PSMC2: variants seen among roughly 807,000 people sequenced by gnomAD.
PSMC2 encodes the protein 26S proteasome regulatory subunit 7.
Under a neutral mutation model 53.3 loss-of-function variants are expected in PSMC2, and 7 were observed. That is an observed-to-expected ratio of 0.13 (90% CI 0.07 to 0.25). The LOEUF (loss-of-function observed/expected upper bound fraction) is 0.25, where lower values mean the gene tolerates loss of function less well. PSMC2 is among the 10% of genes least tolerant of loss of function. The pLI is 1.00. For synonymous variants in PSMC2, 169 were observed against 183.9 expected (o/e 0.92, Z 0.66); for missense variants, 241 against 544.0 (o/e 0.44, Z 5.54).
intron 1 of PSMC2, among the ~76,000 whole-genome samples, chr7:103,350,091 A>G (rs1257075502): frequency 6.6e-6 from 1 of 152,172 alleles, no homozygotes; most frequent in Non-Finnish European, 1.5e-5. Flanking sequence ...TTGTTTCTTC[A>G]GTCACTACCT....
At position 103,352,262 on chromosome 7, in the gene PSMC2, T is replaced by C. The variant is rs549484699; in HGVS notation, c.71-1659T>C. Among the ~76,000 whole-genome samples, 10 of 146,424 alleles carry C rather than the reference T, an allele frequency of 6.8e-5. No individual in the cohort carries two copies. In the East Asian group the frequency reaches 1.2e-3, roughly 18 times the overall value. ...AAAAAAAAAAGACCTGCCGTTTTTTTCCTTAAAATATGTACGATTGTATGA... is the reference window on the plus strand; with the variant it reads ...AAAAAAAAAAGACCTGCCGTTTTTTCCCTTAAAATATGTACGATTGTATGA... On this transcript the variant is annotated intron_variant, in intron 1 of 11. Transcript: ENST00000292644.
At chr7:103,366,272 T>C (rs1820714263) in intron 9 of PSMC2, 109 bp downstream of exon 9, 1 of 948,034 alleles carries the variant, frequency 1.1e-6, no homozygotes, top group Non-Finnish European at 1.6e-6. Context: ...CCAACTCTTC[T>C]ATGAGCTCTG....
chr7:103,355,665 A>C (rs1819991579), intron 3 of PSMC2, 29 bp from the exon 4 acceptor site: 3 of 1,533,022 alleles, frequency 2.0e-6, no homozygotes, highest in Admixed American at 1.7e-5. Flanking sequence ...ATTACATTTT[A>C]GTAAATTTTG....
chr7:103,366,132 T>C lies in PSMC2; in HGVS notation c.813T>C (p.Leu271=). The C allele has an allele frequency of 3.1e-6, 5 of 1,614,020 alleles. No homozygotes were observed. Among genetic ancestry groups the C allele is most frequent in the Non-Finnish European group, 4.2e-6 (5 of 1,179,894 alleles). ...FEMARTKKAC[L]IFFDEIDAIG... is the part of the protein sequence containing the mutation. ...TGGCCAGAACAAAAAAAGCCTGCCT[T>C]ATCTTCTTTGATGAAATTGATGCTA... Residue 271 remains leucine (L), a synonymous_variant, in exon 9 of 12, where the codon CTT becomes CTC. Transcript: ENST00000292644.
intron 1 of PSMC2, among the ~76,000 whole-genome samples, chr7:103,350,251 C>T (rs1819698007): frequency 6.6e-6 from 1 of 152,042 alleles, no homozygotes; most frequent in African/African-American, 2.4e-5. Flanking sequence ...CTGAAAGTGG[C>T]AGAAAGGACA....
At chr7:103,352,769 A>G (rs1819793733) in intron 1 of PSMC2, 1 of 753,696 alleles carries the variant, frequency 1.3e-6, no homozygotes, top group Non-Finnish European at 2.5e-6. Context: ...AGAGAAAACA[A>G]AGTTCAGAAG....
rs949096366 is a variant in PSMC2 at position 103,352,278 on chromosome 7, G to A, written c.71-1643G>A. Among the ~76,000 whole-genome samples, 12 of 130,670 alleles carry A rather than the reference G, an allele frequency of 9.2e-5. No homozygotes were observed. In the East Asian group the frequency reaches 2.3e-3, roughly 25 times the overall value. 85.7% of individuals were successfully genotyped at this position (130,670 alleles called of 152,430 possible). The stretch of plus-strand genomic sequence containing the variant: ...CCGTTTTTTTCCTTAAAATATGTAC[G>A]ATTGTATGATTGGTTCTTGTTTTTC... On this transcript the variant is annotated intron_variant, in intron 1 of 11. Transcript: ENST00000292644.
At chr7:103,363,993 G>T in intron 7 of PSMC2, 150 bp from the exon 8 acceptor site, 2 of 694,730 alleles carry the variant, frequency 2.9e-6, no homozygotes, top group Non-Finnish European at 2.3e-6. Context: ...GTTCAAGTAT[G>T]TATATTGTGG....
At chr7:103,362,130 G>A (rs1349996626) in intron 5 of PSMC2, 42 bp downstream of exon 5, 2 of 1,607,714 alleles carry the variant, frequency 1.2e-6, no homozygotes, top group Admixed American at 1.7e-5. Context: ...TTTCACTAAG[G>A]ATACTGTCTC....
At chr7:103,359,626 C>T (rs533767101) in intron 4 of PSMC2, among the ~76,000 whole-genome samples, 13 of 152,246 alleles carry the variant, frequency 8.5e-5, no homozygotes, top group African/African-American at 3.1e-4. Context: ...AAGGTTCATC[C>T]GTATTCTAAA....
At chr7:103,352,727 C>T (rs2116129260) in intron 1 of PSMC2, 1 of 713,088 alleles carries the variant, frequency 1.4e-6, no homozygotes. Flanking sequence ...ACAACTCATC[C>T]TGGTAGATTC....
chr7:103,359,065 C>G (rs969236460), intron 4 of PSMC2, among the ~76,000 whole-genome samples: 1 of 147,220 alleles, frequency 6.8e-6, no homozygotes, highest in African/African-American at 2.5e-5. Flanking sequence ...CTCGCTGCAG[C>G]CTCTGCTTCC....
chr7:103,355,570 A>G (rs1345338172), intron 3 of PSMC2, 124 bp from the exon 4 acceptor site: 6 of 693,980 alleles, frequency 8.6e-6, no homozygotes. Flanking sequence ...ACAGTCTATA[A>G]TGCACATGAT....
At chr7:103,361,266 CT>C (rs1820379836) in intron 4 of PSMC2, among the ~76,000 whole-genome samples, 1 of 151,416 alleles carries the variant, frequency 6.6e-6, no homozygotes, top group African/African-American at 2.4e-5. Flanking sequence ...GGCGGATCAC[CT>C]GAGGTTGGGA....
At position 103,361,940 on chromosome 7, in the gene PSMC2, G is replaced by C. The variant is rs751659356; in HGVS notation, c.291-17G>C. 6.3e-7 allele frequency: 1 copy of C among 1,593,274 alleles called. No individual in the cohort carries two copies. The highest frequency in any genetic ancestry group is 1.1e-5 in the South Asian group (1 of 87,954). ...GGCTTAGGTTCCTTATTCTAATCAA[G>C]CTTTTTGCTGTGTTAGGTGTACAAA... On this transcript the variant is annotated splice_polypyrimidine_tract_variant and intron_variant, in intron 4 of 11. Transcript: ENST00000292644.
intron 5 of PSMC2, 191 bp downstream of exon 5, chr7:103,362,279 C>T: frequency 7.1e-7 from 1 of 1,409,670 alleles, no homozygotes; most frequent in Non-Finnish European, 9.2e-7. Context: ...TCGCTGACTC[C>T]CCTACTCCCA....
At chr7:103,355,606 CA>C in intron 3 of PSMC2, 87 bp from the exon 4 acceptor site, 1 of 981,886 alleles carries the variant, frequency 1.0e-6, no homozygotes. Flanking sequence ...TGATTCAGTG[CA>C]AAATATCAGT....
intron 6 of PSMC2, 124 bp downstream of exon 6, chr7:103,362,882 C>T: frequency 1.4e-6 from 1 of 708,578 alleles, no homozygotes; most frequent in South Asian, 1.8e-5. Flanking sequence ...CAACCTCTGC[C>T]TCCCGGGTTC....
intron 1 of PSMC2, among the ~76,000 whole-genome samples, chr7:103,349,358 G>T (rs1221189516): frequency 6.6e-6 from 1 of 151,964 alleles, no homozygotes; most frequent in African/African-American, 2.4e-5. Context: ...TGTTTCTCTG[G>T]GTTTGTTCTT....
Sources: gnomAD v4.1 joint callset for allele counts (sites outside exome capture counted in the v4.1 genomes callset) on GRCh38, gnomAD v4.1.1 for gene constraint, MANE v1.5 for transcripts, NCBI Gene and HGNC (gene_info 2026-07-23, HGNC 2026-07-21) for gene names.